Variants in NFIX observed in about 807,000 individuals in gnomAD.
NFIX encodes nuclear factor 1 X-type.
In NFIX, 2 loss-of-function variants were observed where a neutral mutation model predicts 53.3. The observed-to-expected ratio is 0.04, with a 90% confidence interval of 0.02 to 0.12. NFIX has a LOEUF of 0.12. Among genes scored for constraint, NFIX ranks in the 10% least tolerant of loss-of-function variants. The probability of loss-of-function intolerance (pLI) is 1.00; values close to 1 mark genes in which losing one functional copy is unlikely to be tolerated. For synonymous variants in NFIX, 244 were observed against 289.0 expected (o/e 0.84, Z 1.58); for missense variants, 310 against 674.5 (o/e 0.46, Z 5.99).
intron 1 of NFIX, among the ~76,000 whole-genome samples, chr19:13,017,958 A>G (rs1225436959): frequency 6.6e-6 from 1 of 152,146 alleles, no homozygotes; most frequent in East Asian, 1.9e-4. Flanking sequence ...CTTCCCTGTC[A>G]TCTGTCCTTC....
At chr19:13,015,277 T>G (rs1169359121) in intron 1 of NFIX, among the ~76,000 whole-genome samples, 1 of 152,210 alleles carries the variant, frequency 6.6e-6, no homozygotes, top group African/African-American at 2.4e-5. Flanking sequence ...TTTTAAAATT[T>G]AATTTTAAAA....
At chr19:13,018,995 G>A (rs1479370174) in intron 1 of NFIX, among the ~76,000 whole-genome samples, 4 of 152,202 alleles carry the variant, frequency 2.6e-5, no homozygotes, top group Admixed American at 1.3e-4. Flanking sequence ...GGTCATTTCT[G>A]TGAAGTTTTG....
In NFIX at chr19:13,090,036, G is replaced by T. The variant is rs2018038388; in HGVS notation, c.1403-263G>T. On this transcript the variant is annotated intron_variant, in intron 9 of 10. Coordinates refer to ENST00000592199, the MANE Select transcript of NFIX (RefSeq NM_001365902.3). The surrounding 1 kb of genome is among the most constrained non-coding windows in gnomAD (Gnocchi z 6.6). The stretch of plus-strand genomic sequence containing the variant: ...AAAAGGATGCCTGGCTGAGACTGTG[G>T]CTTCTGAGTGGGTGTGTGTCGGGGG... Among the ~76,000 whole-genome samples, 2 of 152,200 alleles carry T rather than the reference G, an allele frequency of 1.3e-5. No homozygotes were observed. The highest frequency in any genetic ancestry group is 4.8e-5 in the African/African-American group (2 of 41,450).
rs2016476459 is a variant in NFIX at position 13,067,436 on chromosome 19, TTAG to T, written c.560-5609_560-5607del. 6.6e-6 allele frequency among the ~76,000 whole-genome samples: 1 copy of T among 151,848 alleles called. No homozygotes were observed. The highest frequency in any genetic ancestry group is 1.5e-5 in the Non-Finnish European group (1 of 67,950). On this transcript the variant is annotated intron_variant, in intron 2 of 10. Coordinates refer to ENST00000592199, the MANE Select transcript of NFIX (RefSeq NM_001365902.3). This position sits in a 1 kb window ranked among gnomAD's most constrained non-coding sequence, Gnocchi z 4.2. ...ACCCTTTCTGGACGGCAAGAAGTGGTTAGTGGCACCTCCGTGTGTGTGCGCGCG... is the reference window on the plus strand; with the variant it reads ...ACCCTTTCTGGACGGCAAGAAGTGGTTGGCACCTCCGTGTGTGTGCGCGCG...
chr19:13,027,865 A>T lies in NFIX; in HGVS notation c.559+2313A>T, dbSNP rs1036230714. On this transcript the variant is annotated intron_variant, in intron 2 of 10. Coordinates refer to ENST00000592199, the MANE Select transcript of NFIX (RefSeq NM_001365902.3). This position sits in a 1 kb window ranked among gnomAD's most constrained non-coding sequence, Gnocchi z 4.3. ...CGAGTCTCCTCTACAAAAGCAGAGT[A>T]GGGAACTAAGGGTGTATTTTATATC... is the stretch of plus-strand genomic sequence containing the variant. 6.6e-6 allele frequency among the ~76,000 whole-genome samples: 1 copy of T among 152,224 alleles called. No homozygotes were observed. The highest frequency in any genetic ancestry group is 2.4e-5 in the African/African-American group (1 of 41,462).
rs1394179842 is a variant in NFIX at position 13,027,310 on chromosome 19, G to T, written c.559+1758G>T. 4.6e-5 allele frequency among the ~76,000 whole-genome samples: 7 copies of T among 151,824 alleles called. No individual in the cohort carries two copies. The South Asian group carries it at 1.5e-3, about 32-fold the overall frequency. On this transcript the variant is annotated intron_variant, in intron 2 of 10. Coordinates refer to ENST00000592199, the MANE Select transcript of NFIX (RefSeq NM_001365902.3). The surrounding 1 kb of genome is among the most constrained non-coding windows in gnomAD (Gnocchi z 4.3). ...CCCTTCAGCTTGAATTTTTTCTTTT[G>T]TCTTTTTTCTTTTTGGAAAACAGAC...
rs1283978738 is a variant in NFIX, at chr19:13,089,693, A to AGCCT, written c.1403-596_1403-593dup. Among the ~76,000 whole-genome samples, 12 of 152,326 alleles carry AGCCT rather than the reference A, an allele frequency of 7.9e-5. No homozygotes were observed. The East Asian group carries it at 1.7e-3, about 22-fold the overall frequency. On this transcript the variant is annotated intron_variant, in intron 9 of 10. Coordinates refer to ENST00000592199, the MANE Select transcript of NFIX (RefSeq NM_001365902.3). The surrounding 1 kb of genome is among the most constrained non-coding windows in gnomAD (Gnocchi z 4.8). The stretch of plus-strand genomic sequence containing the variant: ...CATTGGGCACCCTTTGGGTTCCCCA[A>AGCCT]GCCTGCCTGCCTGGTCCTTGGGCCT...
At chr19:13,063,787 C>T (rs1321646153) in intron 2 of NFIX, among the ~76,000 whole-genome samples, 2 of 152,170 alleles carry the variant, frequency 1.3e-5, no homozygotes, top group Admixed American at 6.5e-5. Flanking sequence ...GCAGAGCCTC[C>T]GCCTCCTGTT....
At chr19:13,057,516 C>T (rs2015785079) in intron 2 of NFIX, among the ~76,000 whole-genome samples, 2 of 152,212 alleles carry the variant, frequency 1.3e-5, no homozygotes, top group Admixed American at 1.3e-4. Flanking sequence ...TGATGCCACA[C>T]CCCCAGCCTC....
rs1055775501 is a variant in NFIX, at chr19:13,040,436, C to T, written c.559+14884C>T. Among the ~76,000 whole-genome samples, 2 of 152,268 alleles carry T rather than the reference C, an allele frequency of 1.3e-5. No homozygotes were observed. The highest frequency in any genetic ancestry group is 2.9e-5 in the Non-Finnish European group (2 of 68,050). ...TTCCCGTGCCAGATCTTCCCTGCCA[C>T]GCTAGCCTGGTGGATGCCCTGCGGC... On this transcript the variant is annotated intron_variant, in intron 2 of 10. Coordinates refer to ENST00000592199, the MANE Select transcript of NFIX (RefSeq NM_001365902.3). This position sits in a 1 kb window ranked among gnomAD's most constrained non-coding sequence, Gnocchi z 4.2.
chr19:13,080,825 CCT>C (rs1249918218), intron 7 of NFIX, among the ~76,000 whole-genome samples: 1 of 150,674 alleles, frequency 6.6e-6, no homozygotes, highest in Non-Finnish European at 1.5e-5. Flanking sequence ...ACGGTGAAAC[CCT>C]GTCTCTACTA....
At chr19:13,076,962 C>T (rs1378847992) in intron 6 of NFIX, among the ~76,000 whole-genome samples, 1 of 152,114 alleles carries the variant, frequency 6.6e-6, no homozygotes, top group Non-Finnish European at 1.5e-5. Flanking sequence ...GGGCCCCTCC[C>T]AGGCTCTCCT....
intron 1 of NFIX, among the ~76,000 whole-genome samples, chr19:13,023,622 AT>A (rs953938501): frequency 9.2e-5 from 11 of 119,032 alleles, no homozygotes; most frequent in Admixed American, 1.7e-4. Flanking sequence ...TAAATTTTGC[AT>A]TTTTTTCTTT....
rs2014290479 is a variant in NFIX, at chr19:13,037,541, C to A, written c.559+11989C>A. Among the ~76,000 whole-genome samples, 1 of 152,110 alleles carries A rather than the reference C, an allele frequency of 6.6e-6. No homozygotes were observed. Among genetic ancestry groups the A allele is most frequent in the Admixed American group, 6.5e-5 (1 of 15,268 alleles). On this transcript the variant is annotated intron_variant, in intron 2 of 10. Transcript: ENST00000592199. This position sits in a 1 kb window ranked among gnomAD's most constrained non-coding sequence, Gnocchi z 4.2. ...TTTTTAGGTGTATGGGAGATTGCTT[C>A]ATATAGGGTGGGGAAGAACTAGTCT...
chr19:13,048,300 C>T (rs1326765806), intron 2 of NFIX, among the ~76,000 whole-genome samples: 1 of 152,186 alleles, frequency 6.6e-6, no homozygotes, highest in Non-Finnish European at 1.5e-5. Flanking sequence ...AGGTACCTCC[C>T]AGTACTCCTG....
In NFIX at chr19:13,045,393, G is replaced by T. The variant is rs1213404194; in HGVS notation, c.559+19841G>T. On this transcript the variant is annotated intron_variant, in intron 2 of 10. Coordinates refer to ENST00000592199, the MANE Select transcript of NFIX (RefSeq NM_001365902.3). The surrounding 1 kb of genome is among the most constrained non-coding windows in gnomAD (Gnocchi z 4.4). Reference sequence around the variant, plus strand: ...GTTTTGGTTGTCACTACTTGGGATGGGGTTGCTACTGGCATCTCGTGGGTG... The same window carrying T: ...GTTTTGGTTGTCACTACTTGGGATGTGGTTGCTACTGGCATCTCGTGGGTG... Among the ~76,000 whole-genome samples, 24 of 152,094 alleles carry T rather than the reference G, an allele frequency of 1.6e-4. No homozygotes were observed. The highest frequency in any genetic ancestry group is 1.6e-3 in the Admixed American group (24 of 15,264).
At position 13,012,890 on chromosome 19, in the gene NFIX, G is replaced by C. The variant is rs372603403; in HGVS notation, c.28-12131G>C. 6.6e-5 allele frequency among the ~76,000 whole-genome samples: 10 copies of C among 152,128 alleles called. No individual in the cohort carries two copies. In the East Asian group the frequency reaches 1.9e-3, roughly 29 times the overall value. ...CTTCAATCCCCGAGCCTTCTCTTTTGGGGGAGTAAAGGCGGGGAAATTTAC... is the reference window on the plus strand; with the variant it reads ...CTTCAATCCCCGAGCCTTCTCTTTTCGGGGAGTAAAGGCGGGGAAATTTAC... On this transcript the variant is annotated intron_variant, in intron 1 of 10. Transcript: ENST00000592199. This position sits in a 1 kb window ranked among gnomAD's most constrained non-coding sequence, Gnocchi z 5.0.
At chr19:13,056,042 A>G (rs1380440728) in intron 2 of NFIX, among the ~76,000 whole-genome samples, 2 of 152,074 alleles carry the variant, frequency 1.3e-5, no homozygotes, top group East Asian at 3.9e-4. Context: ...GAGGGCTGAA[A>G]AGCAACGAGC....
rs2011987370 is a variant in NFIX, at chr19:13,005,894, C to T, written c.27+10030C>T. The stretch of plus-strand genomic sequence containing the variant: ...CACCCCTGCTGGCCAGGCTTGCCCT[C>T]ACCCCCGCAGGTCCAAACATCCTCT... On this transcript the variant is annotated intron_variant, in intron 1 of 10. Transcript: ENST00000592199. The surrounding 1 kb of genome is among the most constrained non-coding windows in gnomAD (Gnocchi z 4.7). Among the ~76,000 whole-genome samples, 2 of 152,222 alleles carry T rather than the reference C, an allele frequency of 1.3e-5. No individual in the cohort carries two copies. The highest frequency in any genetic ancestry group is 4.8e-5 in the African/African-American group (2 of 41,454).
Sources: allele counts gnomAD v4.1 joint callset (sites outside exome capture counted in the v4.1 genomes callset), GRCh38; gene constraint gnomAD v4.1.1; non-coding constraint Gnocchi (gnomAD v3.1); transcripts MANE v1.5; gene names NCBI Gene and HGNC (gene_info 2026-07-23, HGNC 2026-07-21).